Variants in ADGRB3 observed in about 807,000 individuals in gnomAD.
ADGRB3 encodes brain-specific angiogenesis inhibitor 3.
In ADGRB3, 37 loss-of-function variants were observed where a neutral mutation model predicts 193.4. The observed-to-expected ratio is 0.19, with a 90% CI of 0.15 to 0.25. The LOEUF (loss-of-function observed/expected upper bound fraction) is 0.25. Ranked by LOEUF, ADGRB3 falls within the 10% of genes least tolerant of loss-of-function variation. The pLI is 1.00. For synonymous variants in ADGRB3, 690 were observed against 644.2 expected (o/e 1.07, Z -1.08); for missense variants, 1,637 against 1,852.9 (o/e 0.88, Z 2.14).
chr6:69,351,095 CT>C (rs10649928), intron 26 of ADGRB3, among the ~76,000 whole-genome samples: 1,763 of 139,172 alleles, frequency 0.013, 19 homozygotes, highest in Admixed American at 0.026. Context: ...TCCCTAGATA[CT>C]TTTTTTTTTT....
rs911431990 is a variant in ADGRB3 at position 69,268,008 on chromosome 6, G to A, written c.2814+28782G>A. On this transcript the variant is annotated intron_variant, in intron 20 of 31. Coordinates refer to ENST00000370598, the MANE Select transcript of ADGRB3 (RefSeq NM_001704.3). ...AAATTCTTCTAGTTTCTGCTTATAG[G>A]GCTTTAAGAGCAGAGGCATTCCCAT... 3.9e-5 allele frequency among the ~76,000 whole-genome samples: 6 copies of A among 151,998 alleles called. No individual in the cohort carries two copies. The East Asian group carries it at 1.2e-3, about 29-fold the overall frequency.
chr6:68,652,643 C>T (rs1399818963), intron 3 of ADGRB3, among the ~76,000 whole-genome samples: 1 of 152,054 alleles, frequency 6.6e-6, no homozygotes, highest in Non-Finnish European at 1.5e-5. Flanking sequence ...TTTTTAAGTA[C>T]AATTGATAAA....
At chr6:68,914,300 C>G (rs867046844) in intron 3 of ADGRB3, among the ~76,000 whole-genome samples, 2 of 151,904 alleles carry the variant, frequency 1.3e-5, no homozygotes, top group African/African-American at 4.8e-5. Context: ...AGAGAAAGGT[C>G]GGGTTACCCA....
chr6:68,980,382 TGAGACAAAGAGAAA>T (rs1239911111), intron 10 of ADGRB3, among the ~76,000 whole-genome samples: 1 of 151,446 alleles, frequency 6.6e-6, no homozygotes, highest in Non-Finnish European at 1.5e-5. Flanking sequence ...ACAAAGAAAC[TGAGACAAAGAGAAA>T]GAGACAGAAA....
chr6:69,187,074 T>A (rs749885522), intron 17 of ADGRB3, among the ~76,000 whole-genome samples: 53 of 151,904 alleles, frequency 3.5e-4, no homozygotes, highest in Middle Eastern at 3.4e-3. Flanking sequence ...ATTTCCCCTC[T>A]TTTTTTCTGA....
At chr6:69,063,483 A>T (rs184379617) in intron 16 of ADGRB3, among the ~76,000 whole-genome samples, 7 of 152,164 alleles carry the variant, frequency 4.6e-5, no homozygotes, top group Non-Finnish European at 1.0e-4. Flanking sequence ...GGTGAGTTTT[A>T]TCTTTAAATA....
chr6:69,103,707 C>G, intron 17 of ADGRB3, among the ~76,000 whole-genome samples: 1 of 151,628 alleles, frequency 6.6e-6, no homozygotes, highest in Middle Eastern at 3.4e-3. Flanking sequence ...CTTACATATA[C>G]ACTCAGGAAA....
intron 17 of ADGRB3, among the ~76,000 whole-genome samples, chr6:69,115,697 A>G (rs1463098016): frequency 2.0e-5 from 3 of 152,194 alleles, no homozygotes; most frequent in African/African-American, 7.2e-5. Context: ...AGCCATGGAG[A>G]TGTGCCACTT....
chr6:68,974,819 C>T lies in ADGRB3; in HGVS notation c.1582C>T (p.Pro528Ser), dbSNP rs1462521834. 4 of 1,613,778 alleles carry T rather than the reference C, an allele frequency of 2.5e-6. No homozygotes were observed. Among genetic ancestry groups the T allele is most frequent in the African/African-American group, 1.3e-5 (1 of 74,880 alleles). ...YLMSMVWKRT[P>S]AGDLAFNQCP... is the part of the protein sequence containing the mutation. The stretch of plus-strand genomic sequence containing the variant: ...GATGTCGATGGTGTGGAAAAGAACT[C>T]CAGCAGGCGACTTGGCATTCAATCA... The change falls in exon 9 of 32, where the codon CCA (proline) becomes TCA (serine). Residue 528 changes from proline to serine, a missense_variant. By Grantham distance (74) the Pro-to-Ser change is moderately conservative (BLOSUM62 -1). Transcript: ENST00000370598.
At chr6:68,943,629 G>A (rs567491283) in intron 5 of ADGRB3, among the ~76,000 whole-genome samples, 1 of 152,104 alleles carries the variant, frequency 6.6e-6, no homozygotes. Flanking sequence ...GTAGAAAAAA[G>A]CACATGCAAT....
chr6:68,802,352 T>G (rs1005607852), intron 3 of ADGRB3, among the ~76,000 whole-genome samples: 6 of 152,152 alleles, frequency 3.9e-5, no homozygotes, highest in Non-Finnish European at 2.9e-5. Flanking sequence ...ATGTTGGCAA[T>G]ATAAAATGTT....
intron 27 of ADGRB3, among the ~76,000 whole-genome samples, chr6:69,355,322 A>G (rs553382865): frequency 6.6e-6 from 1 of 152,292 alleles, no homozygotes; most frequent in South Asian, 2.1e-4. Flanking sequence ...GCTTTTTGCC[A>G]CATTTGAGTG....
intron 28 of ADGRB3, among the ~76,000 whole-genome samples, chr6:69,359,818 G>A (rs138062313): frequency 1.4e-4 from 21 of 151,852 alleles, no homozygotes; most frequent in African/African-American, 2.7e-4. Flanking sequence ...AACCAACTTC[G>A]CACAGCGCTA....
At chr6:69,170,608 A>G (rs1775246875) in intron 17 of ADGRB3, among the ~76,000 whole-genome samples, 1 of 152,220 alleles carries the variant, frequency 6.6e-6, no homozygotes, top group South Asian at 2.1e-4. Context: ...CAGGAGGTCT[A>G]TAGAAGTGTT....
At chr6:69,345,572 T>C (rs1769066463) in intron 26 of ADGRB3, among the ~76,000 whole-genome samples, 1 of 152,134 alleles carries the variant, frequency 6.6e-6, no homozygotes, top group Non-Finnish European at 1.5e-5. Flanking sequence ...TGCTAACAAT[T>C]CTCAATAAAC....
At chr6:69,005,706 C>T (rs1172297356) in intron 11 of ADGRB3, among the ~76,000 whole-genome samples, 1 of 152,114 alleles carries the variant, frequency 6.6e-6, no homozygotes, top group Non-Finnish European at 1.5e-5. Context: ...ACAGACCAGC[C>T]CTGCCATCAG....
intron 17 of ADGRB3, among the ~76,000 whole-genome samples, chr6:69,139,324 T>C (rs1774245865): frequency 6.6e-6 from 1 of 152,206 alleles, no homozygotes; most frequent in African/African-American, 2.4e-5. Context: ...TGTGACTCAC[T>C]GATATTCAGA....
At position 69,361,070 on chromosome 6, in the gene ADGRB3, G is replaced by A; in HGVS notation, c.3797G>A (p.Ser1266Asn). ...ATGCCCATGAGTATGAATGAGCTTAGCAATCCATGTTTGAAAAAAGAAAAT... is the reference window on the plus strand; with the variant it reads ...ATGCCCATGAGTATGAATGAGCTTAACAATCCATGTTTGAAAAAAGAAAAT... ...LHMPMSMNEL[S>N]NPCLKKENSE... The change falls in exon 29 of 32, where the codon AGC becomes AAC. Residue 1266 changes from serine to asparagine, a missense_variant. Physicochemically the swap from Ser to Asn is conservative, Grantham distance 46. Transcript: ENST00000370598. The A allele has an allele frequency of 6.2e-7, 1 of 1,612,776 alleles. No homozygotes were observed. Among genetic ancestry groups the A allele is most frequent in the Non-Finnish European group, 8.5e-7 (1 of 1,179,208 alleles).
intron 23 of ADGRB3, chr6:69,332,418 T>C: frequency 2.0e-6 from 2 of 985,418 alleles, no homozygotes; most frequent in Non-Finnish European, 2.4e-6. Context: ...AATGCTCCCC[T>C]TCCACAGAAA....
Sources: gnomAD v4.1 joint callset for allele counts (sites outside exome capture counted in the v4.1 genomes callset) on GRCh38, gnomAD v4.1.1 for gene constraint, MANE v1.5 for transcripts, NCBI Gene and HGNC (gene_info 2026-07-23, HGNC 2026-07-21) for gene names.